HSF2BP: variants seen among roughly 807,000 people sequenced by gnomAD.
HSF2BP encodes heat shock factor 2-binding protein.
Under a neutral mutation model 35.0 loss-of-function variants are expected in HSF2BP, and 35 were observed. The ratio of observed to expected loss-of-function variants is 1.00; its 90% CI spans 0.76 to 1.32. HSF2BP has a LOEUF of 1.32. Ranked by LOEUF, HSF2BP falls within the 40% of genes most tolerant of loss-of-function variation. HSF2BP has a pLI of 0.00. For synonymous variants in HSF2BP, 114 were observed against 117.4 expected, an observed-to-expected ratio of 0.97 and a Z score of 0.18; for missense variants, 326 against 321.7, an observed-to-expected ratio of 1.01 and a Z score of -0.10.
chr21:43,623,120 C>T (rs2082350104), intron 6 of HSF2BP, among the ~76,000 whole-genome samples: 1 of 151,978 alleles, frequency 6.6e-6, no homozygotes, highest in Admixed American at 6.6e-5. Flanking sequence ...TCTTTTCTGA[C>T]CACAATACAA....
intron 8 of HSF2BP, among the ~76,000 whole-genome samples, chr21:43,581,173 T>G (rs949577526): frequency 6.6e-6 from 1 of 152,074 alleles, no homozygotes; most frequent in Non-Finnish European, 1.5e-5. Flanking sequence ...GATCACGAGG[T>G]CAGGAGATCG....
chr21:43,645,219 G>A (rs916516829), intron 3 of HSF2BP, among the ~76,000 whole-genome samples: 1 of 152,172 alleles, frequency 6.6e-6, no homozygotes, highest in Admixed American at 6.5e-5. Context: ...GATGCTTTAG[G>A]ACAATGATTC....
intron 7 of HSF2BP, among the ~76,000 whole-genome samples, chr21:43,603,126 A>G (rs1221118749): frequency 2.0e-5 from 3 of 152,252 alleles, no homozygotes; most frequent in Non-Finnish European, 4.4e-5. Flanking sequence ...AAAAAAAATA[A>G]TAATTGCAGT....
intron 8 of HSF2BP, among the ~76,000 whole-genome samples, chr21:43,574,459 A>G (rs952846954): frequency 4.0e-5 from 6 of 151,374 alleles, no homozygotes; most frequent in East Asian, 3.9e-4. Context: ...CCGGGTTCAC[A>G]CCATTCTCCT....
At chr21:43,656,480 A>G (rs2082869758) in intron 3 of HSF2BP, 107 bp downstream of exon 3, 4 of 1,050,476 alleles carry the variant, frequency 3.8e-6, no homozygotes, top group African/African-American at 3.2e-5. Flanking sequence ...ATATCATCAC[A>G]AGGACTGTAA....
intron 7 of HSF2BP, among the ~76,000 whole-genome samples, chr21:43,601,616 C>A (rs1034502783): frequency 1.3e-5 from 2 of 152,184 alleles, no homozygotes; most frequent in Non-Finnish European, 2.9e-5. Flanking sequence ...ATGTTCACAG[C>A]ACCATCTACC....
At chr21:43,579,755 CTT>C (rs1376462014) in intron 8 of HSF2BP, among the ~76,000 whole-genome samples, 1 of 152,200 alleles carries the variant, frequency 6.6e-6, no homozygotes. Context: ...TCTCTTCACT[CTT>C]GTTTTCTTTG....
At chr21:43,650,450 CCACT>C (rs2082768522) in intron 3 of HSF2BP, among the ~76,000 whole-genome samples, 2 of 152,014 alleles carry the variant, frequency 1.3e-5, no homozygotes, top group African/African-American at 4.8e-5. Context: ...CGTGATCCGC[CCACT>C]TCGGCCTCCC....
At chr21:43,622,851 C>T (rs1342146480) in intron 6 of HSF2BP, among the ~76,000 whole-genome samples, 1 of 152,164 alleles carries the variant, frequency 6.6e-6, no homozygotes, top group Non-Finnish European at 1.5e-5. Flanking sequence ...ACATTTCACC[C>T]AACTGTTACA....
At chr21:43,627,472 T>C (rs749094119) in intron 6 of HSF2BP, among the ~76,000 whole-genome samples, 12 of 152,198 alleles carry the variant, frequency 7.9e-5, no homozygotes, top group Non-Finnish European at 8.8e-5. Flanking sequence ...ACACAGAACA[T>C]GCAAACTCAT....
At chr21:43,585,619 C>T (rs1311296673) in intron 8 of HSF2BP, among the ~76,000 whole-genome samples, 2 of 150,884 alleles carry the variant, frequency 1.3e-5, no homozygotes, top group Non-Finnish European at 2.9e-5. Flanking sequence ...GCACTCCAGC[C>T]TGGGCAACTG....
intron 8 of HSF2BP, among the ~76,000 whole-genome samples, chr21:43,583,695 C>A (rs1222402827): frequency 6.0e-5 from 8 of 134,416 alleles, no homozygotes; most frequent in African/African-American, 2.3e-4. Context: ...AGATGAAGGG[C>A]CTGCTGAGGG....
chr21:43,580,489 T>C (rs1392223459), intron 8 of HSF2BP, among the ~76,000 whole-genome samples: 1 of 152,262 alleles, frequency 6.6e-6, no homozygotes, highest in Non-Finnish European at 1.5e-5. Context: ...AAAGTTATCA[T>C]GTAAGCATTG....
chr21:43,636,894 CAAAAAAAAAAA>C (rs34578952), intron 4 of HSF2BP, among the ~76,000 whole-genome samples: 15 of 112,042 alleles, frequency 1.3e-4, no homozygotes, highest in African/African-American at 3.9e-4. Context: ...CGTCTCAAAA[CAAAAAAAAAAA>C]AAAAAAAAAG....
intron 7 of HSF2BP, among the ~76,000 whole-genome samples, chr21:43,610,280 AT>A (rs1224969074): frequency 1.3e-5 from 2 of 152,040 alleles, no homozygotes; most frequent in Admixed American, 1.3e-4. Context: ...CAGACAGATG[AT>A]AGGTGGATGA....
At chr21:43,605,122 C>A (rs1346399611) in intron 7 of HSF2BP, among the ~76,000 whole-genome samples, 1 of 150,086 alleles carries the variant, frequency 6.7e-6, no homozygotes, top group African/African-American at 2.5e-5. Flanking sequence ...ACACACACAC[C>A]ACACAGATAC....
At chr21:43,602,062 C>G (rs2082059007) in intron 7 of HSF2BP, among the ~76,000 whole-genome samples, 2 of 152,164 alleles carry the variant, frequency 1.3e-5, no homozygotes, top group South Asian at 4.1e-4. Flanking sequence ...GAGAACCACA[C>G]CCAGAAAGTG....
At chr21:43,644,435 T>C (rs2082682138) in intron 3 of HSF2BP, 43 bp from the exon 4 acceptor site, 2 of 1,456,998 alleles carry the variant, frequency 1.4e-6, no homozygotes, top group East Asian at 4.5e-5. Flanking sequence ...TTCAAGTCAC[T>C]AATCTCTCCC....
intron 8 of HSF2BP, among the ~76,000 whole-genome samples, chr21:43,575,053 C>T (rs1054062082): frequency 6.6e-6 from 1 of 152,234 alleles, no homozygotes. Flanking sequence ...TCCTGCTGCT[C>T]ACGCAGCTCC....
Sources: allele counts gnomAD v4.1 joint callset (sites outside exome capture counted in the v4.1 genomes callset), GRCh38; gene constraint gnomAD v4.1.1; transcripts MANE v1.5; gene names NCBI Gene and HGNC (gene_info 2026-07-23, HGNC 2026-07-21).